ASPG: variants seen among roughly 807,000 people sequenced by gnomAD.
ASPG encodes asparaginase.
In ASPG, 53 loss-of-function variants were observed where a neutral mutation model predicts 63.2. The ratio of observed to expected loss-of-function variants is 0.84; its 90% confidence interval spans 0.67 to 1.05. ASPG has a LOEUF of 1.05. Among genes scored for constraint, ASPG ranks in the 50% least tolerant of loss-of-function variants. The pLI, the probability that ASPG is intolerant of heterozygous loss-of-function variation, is 0.00. For synonymous variants in ASPG, 370 were observed against 355.0 expected (o/e 1.04, Z -0.48); for missense variants, 741 against 794.4 (o/e 0.93, Z 0.81).
chr14:104,096,747 A>C (rs960105889), intron 4 of ASPG, among the ~76,000 whole-genome samples: 1 of 152,170 alleles, frequency 6.6e-6, no homozygotes, highest in Non-Finnish European at 1.5e-5. Flanking sequence ...CTGTGGGGAA[A>C]CTGAGGCTTA....
chr14:104,089,012 T>A (rs2140974432), intron 1 of ASPG, among the ~76,000 whole-genome samples: 1 of 152,182 alleles, frequency 6.6e-6, no homozygotes, highest in Middle Eastern at 3.4e-3. Flanking sequence ...CGGTGTTTGT[T>A]TATTTTTTAT....
chr14:104,103,398 G>A (rs2036968747), intron 6 of ASPG, among the ~76,000 whole-genome samples, 165 bp from the exon 7 acceptor site: 1 of 152,254 alleles, frequency 6.6e-6, no homozygotes, highest in Non-Finnish European at 1.5e-5. Context: ...AAGCCCGGGA[G>A]GATTTGCCTG....
At position 104,107,856 on chromosome 14, in the gene ASPG, G is replaced by A. The variant is rs577096518; in HGVS notation, c.1433+511G>A. On this transcript the variant is annotated intron_variant, in intron 12 of 15. Transcript: ENST00000551177. Reference sequence around the variant, plus strand: ...CCAGCACTGGTGGGATCTGCGTCCCGTCTCCCCTTCCTACTCTTTATTGCC... The same window carrying A: ...CCAGCACTGGTGGGATCTGCGTCCCATCTCCCCTTCCTACTCTTTATTGCC... Among the ~76,000 whole-genome samples, 5 of 152,062 alleles carry A rather than the reference G, an allele frequency of 3.3e-5. No individual in the cohort carries two copies. The East Asian group carries it at 5.8e-4, about 18-fold the overall frequency.
chr14:104,111,812 T>A (rs539568999), intron 14 of ASPG, 108 bp from the exon 15 acceptor site: 159 of 1,149,868 alleles, frequency 1.4e-4, no homozygotes, highest in Non-Finnish European at 5.6e-5. Flanking sequence ...GCTGGGGCCC[T>A]GTGTGTGTGG....
chr14:104,111,141 G>A (rs2037366862), intron 13 of ASPG: 21 of 985,308 alleles, frequency 2.1e-5, no homozygotes, highest in African/African-American at 3.5e-5. Flanking sequence ...GTGCAAAGGC[G>A]CATGTGCTCA....
At chr14:104,111,228 T>A in intron 13 of ASPG, 1 of 959,662 alleles carries the variant, frequency 1.0e-6, no homozygotes, top group Non-Finnish European at 1.2e-6. Flanking sequence ...TGTACATGTA[T>A]GCTGCTGTGT....
chr14:104,111,718 C>G, intron 14 of ASPG, 117 bp downstream of exon 14: 1 of 921,122 alleles, frequency 1.1e-6, no homozygotes, highest in Non-Finnish European at 1.7e-6. Context: ...CCCCAAATGC[C>G]TGGCCCTCCC....
chr14:104,115,473 C>G lies in ASPG; in HGVS notation c.*2929C>G, dbSNP rs1391337723. 6.6e-6 allele frequency: 1 copy of G among 152,252 alleles called. No homozygotes were observed. Among genetic ancestry groups the G allele is most frequent in the African/African-American group, 2.4e-5 (1 of 41,424 alleles). 9.4% of individuals were successfully genotyped at this position (152,252 alleles called of 1,614,324 possible). Reference sequence around the variant, plus strand: ...GGCTTGGTGGCTCACACCTGCAATCCCAGCACTTTGGGAGGCCGAGGCGGG... The same window carrying G: ...GGCTTGGTGGCTCACACCTGCAATCGCAGCACTTTGGGAGGCCGAGGCGGG... On this transcript the variant is annotated 3_prime_UTR_variant, in exon 16 of 16. Transcript: ENST00000551177.
At position 104,105,006 on chromosome 14, in the gene ASPG, G is replaced by A. The variant is rs1277777257; in HGVS notation, c.1050+271G>A. ...GAGACCTGAGGCTCCCCTAACTGTCGCCAGGAAATCCTCTCCTGCTCTCCA... is the reference window on the plus strand; with the variant it reads ...GAGACCTGAGGCTCCCCTAACTGTCACCAGGAAATCCTCTCCTGCTCTCCA... On this transcript the variant is annotated intron_variant, in intron 9 of 15. Transcript: ENST00000551177. 1.9e-5 allele frequency: 11 copies of A among 572,888 alleles called. No homozygotes were observed. The East Asian group carries it at 2.7e-4, about 14-fold the overall frequency. The allele number at this position is 572,888 out of a possible 1,614,324, so 35.5% of individuals were successfully genotyped here. A position where few individuals can be genotyped will look rare whatever the true frequency, so the allele number is the denominator to read the frequency against.
intron 9 of ASPG, 192 bp from the exon 10 acceptor site, chr14:104,105,136 G>A: frequency 1.2e-6 from 1 of 826,924 alleles, no homozygotes; most frequent in Non-Finnish European, 1.9e-6. Context: ...ACCCTGAGCT[G>A]GTAGGGCCAG....
chr14:104,099,590 G>T (rs369349466), intron 6 of ASPG, among the ~76,000 whole-genome samples: 4 of 152,206 alleles, frequency 2.6e-5, no homozygotes, highest in African/African-American at 9.6e-5. Flanking sequence ...CCGTCGCTCC[G>T]TCTGGGGTGT....
At chr14:104,099,332 C>T (rs916512350) in intron 6 of ASPG, among the ~76,000 whole-genome samples, 3 of 152,228 alleles carry the variant, frequency 2.0e-5, no homozygotes, top group African/African-American at 7.2e-5. Context: ...TGTGCCGTAG[C>T]CTCGTCCCCA....
At chr14:104,094,550 C>G (rs1242053705) in intron 3 of ASPG, among the ~76,000 whole-genome samples, 1 of 152,150 alleles carries the variant, frequency 6.6e-6, no homozygotes, top group East Asian at 1.9e-4. Context: ...CCTGCCCGCT[C>G]CAGTCCCAAT....
intron 3 of ASPG, among the ~76,000 whole-genome samples, chr14:104,094,094 C>T (rs946451148): frequency 6.6e-6 from 1 of 151,986 alleles, no homozygotes; most frequent in African/African-American, 2.4e-5. Context: ...CAGGAAAGGG[C>T]AGGGTCCACG....
intron 14 of ASPG, 57 bp downstream of exon 14, chr14:104,111,658 C>A: frequency 2.1e-6 from 3 of 1,435,194 alleles, no homozygotes; most frequent in Non-Finnish European, 2.9e-6. Flanking sequence ...AGGAAGGACA[C>A]CTGGACAATT....
At chr14:104,088,256 G>A (rs551260163) in intron 1 of ASPG, among the ~76,000 whole-genome samples, 88 of 152,282 alleles carry the variant, frequency 5.8e-4, no homozygotes, top group Non-Finnish European at 1.1e-3. Flanking sequence ...CGGCTTCTGC[G>A]CCTGCTGGTA....
chr14:104,099,945 G>C (rs1298837913), intron 6 of ASPG, among the ~76,000 whole-genome samples: 2 of 152,206 alleles, frequency 1.3e-5, no homozygotes, highest in Non-Finnish European at 2.9e-5. Context: ...TCCTGTCTGG[G>C]CGGGTGGGGT....
intron 5 of ASPG, 97 bp downstream of exon 5, chr14:104,097,734 C>G (rs1048151817): frequency 1.3e-5 from 15 of 1,116,974 alleles, no homozygotes; most frequent in Non-Finnish European, 1.8e-5. Flanking sequence ...CCTCCCCAGA[C>G]GCCACTGCCA....
Position 104,091,599 on chromosome 14 carries a change from G to A in ASPG, c.83-1034G>A, listed in dbSNP as rs1031608606. 2.0e-5 allele frequency among the ~76,000 whole-genome samples: 3 copies of A among 152,336 alleles called. No homozygotes were observed. Among genetic ancestry groups the A allele is most frequent in the African/African-American group, 7.2e-5 (3 of 41,572 alleles). ...CGGGGCTGGTGACTTAACAGGCAGA[G>A]ATGTGGAGACCAGGGTGAGCCCAGC... is the stretch of plus-strand genomic sequence containing the variant. On this transcript the variant is annotated intron_variant, in intron 1 of 15. Coordinates refer to ENST00000551177, the MANE Select transcript of ASPG (RefSeq NM_001080464.3). This position sits in a 1 kb window ranked among gnomAD's most constrained non-coding sequence, Gnocchi z 6.4.
Sources: gnomAD v4.1 joint callset for allele counts (sites outside exome capture counted in the v4.1 genomes callset) on GRCh38, gnomAD v4.1.1 for gene constraint, Gnocchi (gnomAD v3.1) non-coding constraint, MANE v1.5 for transcripts, NCBI Gene and HGNC (gene_info 2026-07-23, HGNC 2026-07-21) for gene names.